Variants in PSG6 observed in about 807,000 individuals in gnomAD.
PSG6 encodes pregnancy-specific beta-1-glycoprotein 6.
PSG6 carries 51 observed loss-of-function variants against 43.3 expected under a neutral mutation model. The observed-to-expected ratio is 1.18, with a 90% confidence interval of 0.94 to 1.49. The LOEUF is 1.49. Ranked by LOEUF, PSG6 falls within the 40% of genes most tolerant of loss-of-function variation. The pLI, the probability that PSG6 is intolerant of heterozygous loss-of-function variation, is 0.00. For missense variants in PSG6, 770 were observed against 522.2 expected, an observed-to-expected ratio of 1.47 and a Z score of -4.62; for synonymous variants, 292 against 197.6, an observed-to-expected ratio of 1.48 and a Z score of -4.01.
chr19:42,902,266 A>T lies in PSG6; in HGVS notation c.*146T>A, dbSNP rs553143588. 2 of 1,053,764 alleles carry T rather than the reference A, an allele frequency of 1.9e-6. No individual in the cohort carries two copies. Among genetic ancestry groups the T allele is most frequent in the African/African-American group, 3.2e-5 (2 of 63,066 alleles). The allele number at this position is 1,053,764 out of a possible 1,614,324, so 65.3% of individuals were successfully genotyped here. A position where few individuals can be genotyped will look rare whatever the true frequency, so the allele number is the denominator to read the frequency against. On this transcript the variant is annotated 3_prime_UTR_variant, in exon 6 of 6. Transcript: ENST00000187910. The stretch of plus-strand genomic sequence containing the variant: ...ATCTGGAGAATAAAACATTCCAAGA[A>T]TCAGCACATTTTCCAATAAAAAATT...
intron 3 of PSG6, 35 bp from the exon 4 acceptor site, chr19:42,907,889 C>T (rs771986502): frequency 7.5e-6 from 12 of 1,604,168 alleles, no homozygotes; most frequent in South Asian, 3.3e-5. Flanking sequence ...CTGTGTGGCA[C>T]CTTTGATTCC....
rs574454871 is a variant in PSG6 at position 42,906,545 on chromosome 19, T to C, written c.1240+377A>G. On this transcript the variant is annotated intron_variant, in intron 5 of 5. Coordinates refer to ENST00000187910, the MANE Select transcript of PSG6 (RefSeq NM_001031850.4). ...TTGTTTCAAAGCCTCAGATGTTCCT[T>C]GTAGCTCATGGAATAGGTACAAGAA... 2.6e-4 allele frequency: 340 copies of C among 1,296,668 alleles called. 8 individuals are homozygous for C. Among genetic ancestry groups the C allele is most frequent in the Non-Finnish European group, 3.2e-4 (316 of 996,746 alleles). 80.3% of individuals were successfully genotyped at this position (1,296,668 alleles called of 1,614,324 possible).
chr19:42,904,264 A>G (rs1410894199), intron 5 of PSG6, among the ~76,000 whole-genome samples: 1 of 151,750 alleles, frequency 6.6e-6, no homozygotes, highest in Non-Finnish European at 1.5e-5. Flanking sequence ...TGCTATTGAC[A>G]CTTTTATTCA....
intron 3 of PSG6, among the ~76,000 whole-genome samples, chr19:42,909,173 A>C (rs1482966939): frequency 2.0e-5 from 3 of 151,674 alleles, no homozygotes; most frequent in Non-Finnish European, 4.4e-5. Flanking sequence ...AGTAGGCAAA[A>C]GTGGGAGGTG....
In PSG6 at chr19:42,914,305, C is replaced by T. The variant is rs541209245; in HGVS notation, c.427+1820G>A. 3.5e-3 allele frequency among the ~76,000 whole-genome samples: 537 copies of T among 151,268 alleles called. 8 individuals are homozygous for T. The highest frequency in any genetic ancestry group is 0.012 in the African/African-American group (489 of 41,170). ...GAGGTGGGCCAGGCCACAGTGTTAGCGGGAAGGGAACAGAACAGCCAGCCT... is the reference window on the plus strand; with the variant it reads ...GAGGTGGGCCAGGCCACAGTGTTAGTGGGAAGGGAACAGAACAGCCAGCCT... On this transcript the variant is annotated intron_variant, in intron 2 of 5. Transcript: ENST00000187910.
intron 5 of PSG6, among the ~76,000 whole-genome samples, chr19:42,902,661 T>C (rs1437134842): frequency 6.6e-6 from 1 of 151,610 alleles, no homozygotes; most frequent in African/African-American, 2.4e-5. Flanking sequence ...TTTCTCTTTC[T>C]TTTTCACAGG....
chr19:42,902,973 A>G (rs1167694666), intron 5 of PSG6, among the ~76,000 whole-genome samples: 1 of 151,602 alleles, frequency 6.6e-6, no homozygotes, highest in Non-Finnish European at 1.5e-5. Flanking sequence ...CCTGTGCTCA[A>G]TACTTTACCT....
In PSG6 at chr19:42,907,716, C is replaced by T; in HGVS notation, c.845G>A (p.Ser282Asn). The change falls in exon 4 of 6, where the codon AGT becomes AAT. Residue 282 changes from serine (S) to asparagine (N), a missense_variant. Transcript: ENST00000187910. ...WWLNGQSLPV[S>N]PRVKRPIENR... ...TTCAATGGGTCGCTTTACCCTCGGACTGACCGGGAGGCTCTGACCATTTAG... is the reference window on the plus strand; with the variant it reads ...TTCAATGGGTCGCTTTACCCTCGGATTGACCGGGAGGCTCTGACCATTTAG... 1 of 1,610,858 alleles carries T rather than the reference C, an allele frequency of 6.2e-7. No homozygotes were observed. The highest frequency in any genetic ancestry group is 8.5e-7 in the Non-Finnish European group (1 of 1,179,116).
At chr19:42,911,987 T>C (rs1972235937) in intron 2 of PSG6, among the ~76,000 whole-genome samples, 1 of 151,622 alleles carries the variant, frequency 6.6e-6, no homozygotes, top group Admixed American at 6.6e-5. Flanking sequence ...TGCAGCCTCG[T>C]GCCTATACTT....
intron 5 of PSG6, among the ~76,000 whole-genome samples, chr19:42,903,447 G>A (rs1005989374): frequency 6.6e-6 from 1 of 151,484 alleles, no homozygotes; most frequent in Non-Finnish European, 1.5e-5. Context: ...AAGTATTAGG[G>A]TGGATATAAA....
At chr19:42,905,815 A>G (rs1328775437) in intron 5 of PSG6, among the ~76,000 whole-genome samples, 1 of 151,758 alleles carries the variant, frequency 6.6e-6, no homozygotes, top group African/African-American at 2.4e-5. Context: ...AATAAGCCAG[A>G]CACAAAAGGA....
intron 2 of PSG6, chr19:42,915,238 C>G (rs917883605): frequency 1.5e-5 from 2 of 136,300 alleles, no homozygotes; most frequent in Admixed American, 7.6e-5. Flanking sequence ...AGCTAAATGG[C>G]AAATGGACTG....
intron 3 of PSG6, among the ~76,000 whole-genome samples, chr19:42,908,277 A>T (rs888332494): frequency 6.6e-6 from 1 of 151,692 alleles, no homozygotes; most frequent in Non-Finnish European, 1.5e-5. Flanking sequence ...ATTTCCAAGG[A>T]CATTCTAGAG....
rs761435971 is a variant in PSG6 at position 42,910,839 on chromosome 19, G to A, written c.447C>T (p.Ser149=). The A allele has an allele frequency of 1.2e-5, 20 of 1,610,394 alleles. 1 individual carries two copies. The highest frequency in any genetic ancestry group is 1.2e-4 in the South Asian group (11 of 90,256). The change falls in exon 3 of 6, where the codon TCC becomes TCT. Residue 149 remains serine (S), a synonymous_variant. Transcript: ENST00000187910. ...VTLYSETPKP[S]ISSSNLNPRE... ...TGGGGTTTAAGTTGCTGCTGGAGATGGAGGGCTTGGGAGTCTCCGCTGTGC... is the reference window on the plus strand; with the variant it reads ...TGGGGTTTAAGTTGCTGCTGGAGATAGAGGGCTTGGGAGTCTCCGCTGTGC...
chr19:42,915,770 A>C (rs1437704389), intron 2 of PSG6: 3 of 399,878 alleles, frequency 7.5e-6, no homozygotes, highest in African/African-American at 2.0e-5. Context: ...CTCTGAGGGT[A>C]TCTCAGTGGG....
chr19:42,916,132 G>A lies in PSG6; in HGVS notation c.420C>T (p.Thr140=). The A allele has an allele frequency of 1.2e-6, 2 of 1,611,310 alleles. No homozygotes were observed. Among genetic ancestry groups the A allele is most frequent in the African/African-American group, 1.3e-5 (1 of 74,778 alleles). The part of the protein sequence containing the change: ...TGGVTGYFTV[T]LYSETPKPSI... ...TCATGCGGAATCACTCACAGTATAA[G>A]GTGACAGTGAAATATCCAGTTACTC... The change falls in exon 2 of 6, where the codon ACC becomes ACT. Residue 140 remains threonine (T), a synonymous_variant. Coordinates refer to ENST00000187910, the MANE Select transcript of PSG6 (RefSeq NM_001031850.4).
At chr19:42,910,426 C>G (rs777684250) in intron 3 of PSG6, 154 bp downstream of exon 3, 3 of 1,582,194 alleles carry the variant, frequency 1.9e-6, no homozygotes, top group Non-Finnish European at 2.6e-6. Flanking sequence ...CCTAGGCCTA[C>G]TCTGGTTTGC....
At chr19:42,907,929 A>C (rs1204127111) in intron 3 of PSG6, 75 bp from the exon 4 acceptor site, 6 of 1,570,264 alleles carry the variant, frequency 3.8e-6, no homozygotes, top group Middle Eastern at 2.0e-4. Context: ...CAGAGTTGGC[A>C]TCTCCCACCT....
At position 42,909,478 on chromosome 19, in the gene PSG6, G is replaced by C. The variant is rs555276024; in HGVS notation, c.706+1102C>G. ...TGTTACTGGGATTCTGGTAGGGGTT[G>C]CATTGAATCTGCAACTCAATTGGGT... On this transcript the variant is annotated intron_variant, in intron 3 of 5. Coordinates refer to ENST00000187910, the MANE Select transcript of PSG6 (RefSeq NM_001031850.4). Among the ~76,000 whole-genome samples, 6 of 151,682 alleles carry C rather than the reference G, an allele frequency of 4.0e-5. No individual in the cohort carries two copies. The South Asian group carries it at 1.3e-3, about 32-fold the overall frequency.
Sources: allele counts gnomAD v4.1 joint callset (sites outside exome capture counted in the v4.1 genomes callset), GRCh38; gene constraint gnomAD v4.1.1; transcripts MANE v1.5; gene names NCBI Gene and HGNC (gene_info 2026-07-23, HGNC 2026-07-21).